Variants in RAB3C observed in about 807,000 individuals in gnomAD.
RAB3C encodes RAB3C, member RAS oncogene family, also known as ras-related protein Rab-3C.
RAB3C carries 17 observed loss-of-function variants against 26.4 expected under a neutral mutation model. The ratio of observed to expected loss-of-function variants is 0.64; its 90% CI spans 0.44 to 0.97. The LOEUF (loss-of-function observed/expected upper bound fraction) is 0.97. RAB3C is among the 50% of genes least tolerant of loss of function. The pLI is 0.00. For synonymous variants in RAB3C, 91 were observed against 95.9 expected, an observed-to-expected ratio of 0.95 and a Z score of 0.30; for missense variants, 242 against 281.9, an observed-to-expected ratio of 0.86 and a Z score of 1.01.
intron 3 of RAB3C, among the ~76,000 whole-genome samples, chr5:58,822,162 T>C (rs186584316): frequency 1.3e-4 from 20 of 152,378 alleles, no homozygotes; most frequent in Admixed American, 1.2e-3. Flanking sequence ...CTCAGCTTCC[T>C]GTAGATAACA....
At chr5:58,679,676 C>T (rs1382145105) in intron 2 of RAB3C, among the ~76,000 whole-genome samples, 1 of 152,158 alleles carries the variant, frequency 6.6e-6, no homozygotes, top group Non-Finnish European at 1.5e-5. Context: ...ATGATGTCTT[C>T]ATATATCTTT....
intron 3 of RAB3C, 43 bp from the exon 4 acceptor site, chr5:58,824,995 C>A: frequency 7.1e-7 from 1 of 1,409,486 alleles, no homozygotes; most frequent in South Asian, 1.3e-5. Flanking sequence ...TTATGCTGTT[C>A]TGCTTTCCTC....
At chr5:58,812,042 A>G (rs2112041201) in intron 3 of RAB3C, among the ~76,000 whole-genome samples, 1 of 152,326 alleles carries the variant, frequency 6.6e-6, no homozygotes, top group South Asian at 2.1e-4. Flanking sequence ...TCTGAGCCCA[A>G]CATCATCAAC....
chr5:58,819,283 C>G (rs1237340728), intron 3 of RAB3C, among the ~76,000 whole-genome samples: 1 of 152,154 alleles, frequency 6.6e-6, no homozygotes, highest in Non-Finnish European at 1.5e-5. Context: ...CCCATACTCA[C>G]TAAGTATTAG....
At chr5:58,816,835 A>C (rs1477047497) in intron 3 of RAB3C, among the ~76,000 whole-genome samples, 1 of 152,202 alleles carries the variant, frequency 6.6e-6, no homozygotes, top group African/African-American at 2.4e-5. Context: ...TGAAGCTAGA[A>C]GCTAGAAAGG....
chr5:58,630,270 CAT>C (rs1291359956), intron 2 of RAB3C, among the ~76,000 whole-genome samples: 1 of 152,206 alleles, frequency 6.6e-6, no homozygotes, highest in Non-Finnish European at 1.5e-5. Context: ...AATTACCTAA[CAT>C]GTGTATTGTG....
chr5:58,630,415 A>G (rs1747163977), intron 2 of RAB3C, among the ~76,000 whole-genome samples: 1 of 152,206 alleles, frequency 6.6e-6, no homozygotes, highest in African/African-American at 2.4e-5. Context: ...GAAGAAAATT[A>G]AAAATATTTA....
intron 2 of RAB3C, among the ~76,000 whole-genome samples, chr5:58,633,193 A>G (rs926171713): frequency 6.6e-6 from 1 of 152,170 alleles, no homozygotes; most frequent in African/African-American, 2.4e-5. Context: ...CAACTTCCCA[A>G]CCCCTTACCT....
At chr5:58,657,525 C>T (rs1316030788) in intron 2 of RAB3C, among the ~76,000 whole-genome samples, 1 of 152,108 alleles carries the variant, frequency 6.6e-6, no homozygotes, top group Non-Finnish European at 1.5e-5. Flanking sequence ...AGTACAATAG[C>T]TCTTAGGAGA....
intron 2 of RAB3C, among the ~76,000 whole-genome samples, chr5:58,644,626 A>G (rs1321145024): frequency 6.6e-6 from 1 of 152,192 alleles, no homozygotes; most frequent in Non-Finnish European, 1.5e-5. Flanking sequence ...AAGATTTTGG[A>G]GCTATAAATA....
intron 4 of RAB3C, among the ~76,000 whole-genome samples, chr5:58,839,664 C>A (rs142558048): frequency 6.0e-4 from 92 of 152,152 alleles, no homozygotes; most frequent in African/African-American, 2.1e-3. Context: ...GCCACTGCAC[C>A]CAGCCTGATT....
chr5:58,701,212 A>G (rs918665162), intron 2 of RAB3C, among the ~76,000 whole-genome samples: 4 of 152,094 alleles, frequency 2.6e-5, no homozygotes, highest in African/African-American at 9.7e-5. Flanking sequence ...CATGTTAGCC[A>G]GGATGGTCTC....
chr5:58,606,551 C>G (rs1317754781), intron 1 of RAB3C, among the ~76,000 whole-genome samples: 6 of 152,190 alleles, frequency 3.9e-5, no homozygotes, highest in African/African-American at 1.2e-4. Context: ...GTTCTCCCAG[C>G]ACAGGGTTTG....
In RAB3C at chr5:58,851,276, T is replaced by G. The variant is rs769163836; in HGVS notation, c.609T>G (p.Pro203=). 6.2e-7 allele frequency: 1 copy of G among 1,613,982 alleles called. No individual in the cohort carries two copies. Among genetic ancestry groups the G allele is most frequent in the South Asian group, 1.1e-5 (1 of 91,076 alleles). The change falls in exon 5 of 5, where the codon CCT becomes CCG. Residue 203 remains proline, a synonymous_variant. Coordinates refer to ENST00000282878, the MANE Select transcript of RAB3C (RefSeq NM_138453.4). ...TGTCAGAGAGTTTGGAGACTGATCC[T>G]GCCATCACTGCTGCAAAGCAGAACA... The part of the protein sequence containing the change: ...DKMSESLETD[P]AITAAKQNTR...
chr5:58,677,418 A>C (rs1186832862), intron 2 of RAB3C, among the ~76,000 whole-genome samples: 4 of 152,164 alleles, frequency 2.6e-5, no homozygotes, highest in African/African-American at 9.7e-5. Context: ...TAGATAGATA[A>C]TTTTTGTTGT....
chr5:58,790,794 C>T (rs1742507919), intron 3 of RAB3C, among the ~76,000 whole-genome samples: 1 of 152,066 alleles, frequency 6.6e-6, no homozygotes, highest in Non-Finnish European at 1.5e-5. Flanking sequence ...AAAAACCCAA[C>T]TCAATTTTCC....
chr5:58,761,049 C>CCTCT lies in RAB3C; in HGVS notation c.371+34941_371+34944dup, dbSNP rs756510215. On this transcript the variant is annotated intron_variant, in intron 3 of 4. Coordinates refer to ENST00000282878, the MANE Select transcript of RAB3C (RefSeq NM_138453.4). ...CATTCCTTCTCTCTCTCTCTCTCTC[C>CCTCT]CTCTCTCTCTCTCTCACACACACAC... is the stretch of plus-strand genomic sequence containing the variant. Among the ~76,000 whole-genome samples the CCTCT allele has an allele frequency of 8.9e-4, 131 of 147,702 alleles. 2 individuals are homozygous for CCTCT. Among genetic ancestry groups the CCTCT allele is most frequent in the African/African-American group, 1.7e-3 (66 of 39,832 alleles).
chr5:58,824,238 C>T (rs936339327), intron 3 of RAB3C, among the ~76,000 whole-genome samples: 1 of 151,706 alleles, frequency 6.6e-6, no homozygotes. Context: ...TGGGTATATA[C>T]CCTGCAAAAA....
At chr5:58,795,055 T>C (rs889451051) in intron 3 of RAB3C, among the ~76,000 whole-genome samples, 3 of 151,936 alleles carry the variant, frequency 2.0e-5, no homozygotes, top group African/African-American at 7.3e-5. Flanking sequence ...CGGTGGGAGG[T>C]ATTTGAACCA....
Sources: allele counts gnomAD v4.1 joint callset (sites outside exome capture counted in the v4.1 genomes callset), GRCh38; gene constraint gnomAD v4.1.1; transcripts MANE v1.5; gene names NCBI Gene and HGNC (gene_info 2026-07-23, HGNC 2026-07-21).